The following TTLL7 variants were observed in gnomAD, a reference collection of about 807,000 sequenced individuals.
The protein encoded by TTLL7 is tubulin polyglutamylase TTLL7.
TTLL7 carries 53 observed loss-of-function variants against 120.2 expected under a neutral mutation model. That is an observed-to-expected ratio of 0.44 (90% CI 0.35 to 0.55). The LOEUF (loss-of-function observed/expected upper bound fraction) is 0.55. Among genes scored for constraint, TTLL7 ranks in the 20% least tolerant of loss-of-function variants. The pLI is 0.00. For synonymous variants in TTLL7, 353 were observed against 351.7 expected (o/e 1.00, Z -0.04); for missense variants, 803 against 1,054.7 (o/e 0.76, Z 3.31).
intron 1 of TTLL7, among the ~76,000 whole-genome samples, chr1:83,990,167 C>CTTTTTT (rs35374044): frequency 1.7e-5 from 2 of 116,936 alleles, no homozygotes; most frequent in African/African-American, 3.3e-5. Flanking sequence ...ATTTGGATGC[C>CTTTTTT]TTTTTTTTTT....
At chr1:83,921,791 A>C (rs1658694353) in intron 10 of TTLL7, among the ~76,000 whole-genome samples, 1 of 152,156 alleles carries the variant, frequency 6.6e-6, no homozygotes, top group African/African-American at 2.4e-5. Context: ...AATTTGTGGT[A>C]ACATTAATAG....
In TTLL7 at chr1:83,962,047, G is replaced by A. The variant is rs553185556; in HGVS notation, c.-176-9660C>T. Among the ~76,000 whole-genome samples, 226 of 152,140 alleles carry A rather than the reference G, an allele frequency of 1.5e-3. 1 individual carries two copies. The highest frequency in any genetic ancestry group is 2.5e-3 in the Non-Finnish European group (172 of 67,976). On this transcript the variant is annotated intron_variant, in intron 1 of 20. Transcript: ENST00000260505. ...GAGATTTCAATAACTTTGATCACAA[G>A]GTTTAAAAGAGAGGGACTAGGGGAA...
chr1:83,887,293 G>C (rs1211120703), intron 19 of TTLL7: 1 of 1,083,514 alleles, frequency 9.2e-7, no homozygotes, highest in South Asian at 1.4e-5. Context: ...AACTGTGAAA[G>C]AAAGTTGAAC....
chr1:83,941,181 A>G lies in TTLL7; in HGVS notation c.723+1282T>C, dbSNP rs532613189. ...ACTCCCTCTCTAACCTTTATCTCCAACTGGGCTATGTGCCCCTGCTATGCA... is the reference window on the plus strand; with the variant it reads ...ACTCCCTCTCTAACCTTTATCTCCAGCTGGGCTATGTGCCCCTGCTATGCA... On this transcript the variant is annotated intron_variant, in intron 7 of 20. Coordinates refer to ENST00000260505, the MANE Select transcript of TTLL7 (RefSeq NM_024686.6). Among the ~76,000 whole-genome samples, 3 of 152,238 alleles carry G rather than the reference A, an allele frequency of 2.0e-5. No individual in the cohort carries two copies. The East Asian group carries it at 5.8e-4, about 29-fold the overall frequency.
At chr1:83,876,055 C>T (rs1362330911) in intron 20 of TTLL7, among the ~76,000 whole-genome samples, 1 of 151,824 alleles carries the variant, frequency 6.6e-6, no homozygotes, top group African/African-American at 2.4e-5. Context: ...TTTTACCTTT[C>T]ACATCTACAT....
chr1:83,931,175 C>T (rs1021119228), intron 9 of TTLL7, among the ~76,000 whole-genome samples: 4 of 151,890 alleles, frequency 2.6e-5, no homozygotes, highest in Admixed American at 2.6e-4. Flanking sequence ...ACAGACAAAA[C>T]ATAGATGTTA....
intron 17 of TTLL7, 44 bp from the exon 18 acceptor site, chr1:83,904,203 C>G: frequency 6.9e-7 from 1 of 1,458,492 alleles, no homozygotes; most frequent in South Asian, 1.2e-5. Flanking sequence ...GGTTGAAACC[C>G]ATTTTTTAAA....
intron 18 of TTLL7, among the ~76,000 whole-genome samples, chr1:83,899,853 T>G (rs1489278775): frequency 6.6e-6 from 1 of 151,958 alleles, no homozygotes; most frequent in South Asian, 2.1e-4. Context: ...TGATTAATAC[T>G]TAAAGGTGGT....
rs763594918 is a variant in TTLL7, at chr1:83,933,748, G to A, written c.907C>T (p.Leu303=). 1 of 1,610,556 alleles carries A rather than the reference G, an allele frequency of 6.2e-7. No individual in the cohort carries two copies. The highest frequency in any genetic ancestry group is 1.1e-5 in the South Asian group (1 of 90,078). The change falls in exon 9 of 21, where the codon CTG becomes TTG. Residue 303 remains leucine (L), a synonymous_variant. Coordinates refer to ENST00000260505, the MANE Select transcript of TTLL7 (RefSeq NM_024686.6). Reference sequence around the variant, plus strand: ...AGGACATGAGGTTCTGCTACAATCAGGGTCTTTACCACCAATTCCTATAAG... The same window carrying A: ...AGGACATGAGGTTCTGCTACAATCAAGGTCTTTACCACCAATTCCTATAAG... ...SDISELVVKT[L]IVAEPHVLHA...
At chr1:83,997,743 C>T (rs1415246682) in intron 1 of TTLL7, among the ~76,000 whole-genome samples, 1 of 152,194 alleles carries the variant, frequency 6.6e-6, no homozygotes. Flanking sequence ...ACTATTATTA[C>T]TGTAAATGTC....
At chr1:83,931,348 G>C (rs1659581224) in intron 9 of TTLL7, among the ~76,000 whole-genome samples, 1 of 151,864 alleles carries the variant, frequency 6.6e-6, no homozygotes, top group South Asian at 2.1e-4. Flanking sequence ...TCCTAAGTTA[G>C]TGCTGTTCCC....
In TTLL7 at chr1:83,942,452, G is replaced by T. The variant is rs1159318486; in HGVS notation, c.723+11C>A. On this transcript the variant is annotated intron_variant, in intron 7 of 20. Coordinates refer to ENST00000260505, the MANE Select transcript of TTLL7 (RefSeq NM_024686.6). ...TGAATGAAAAGATAAGCTCTGTCTGGTATCACTTACCAAATTGGACTCATT... is the reference window on the plus strand; with the variant it reads ...TGAATGAAAAGATAAGCTCTGTCTGTTATCACTTACCAAATTGGACTCATT... 7 of 1,595,208 alleles carry T rather than the reference G, an allele frequency of 4.4e-6. No individual in the cohort carries two copies. Among genetic ancestry groups the T allele is most frequent in the Non-Finnish European group, 6.0e-6 (7 of 1,163,036 alleles).
In TTLL7 at chr1:83,867,986, G is replaced by C. The variant is rs1475278278; in HGVS notation, c.*1976C>G. On this transcript the variant is annotated 3_prime_UTR_variant, in exon 21 of 21. Coordinates refer to ENST00000260505, the MANE Select transcript of TTLL7 (RefSeq NM_024686.6). ...CAAATAGCAAATTCTTCTTTGGGAT[G>C]CATGCAGAGAGGAAAAGTATCTACC... is the stretch of plus-strand genomic sequence containing the variant. The C allele has an allele frequency of 6.6e-6, 1 of 152,074 alleles. No individual in the cohort carries two copies. Among genetic ancestry groups the C allele is most frequent in the Non-Finnish European group, 1.5e-5 (1 of 67,988 alleles). The allele number at this position is 152,074 out of a possible 1,614,324, so 9.4% of individuals were successfully genotyped here. A position where few individuals can be genotyped will look rare whatever the true frequency, so the allele number is the denominator to read the frequency against.
At chr1:83,899,514 A>C (rs1439847705) in intron 18 of TTLL7, among the ~76,000 whole-genome samples, 2 of 151,958 alleles carry the variant, frequency 1.3e-5, no homozygotes, top group Non-Finnish European at 2.9e-5. Flanking sequence ...TTCTTTTAAG[A>C]GCCAAAATTC....
chr1:83,867,050 A>G lies in TTLL7; in HGVS notation c.*2912T>C, dbSNP rs1405332869. 1 of 152,022 alleles carries G rather than the reference A, an allele frequency of 6.6e-6. No individual in the cohort carries two copies. Among genetic ancestry groups the G allele is most frequent in the Non-Finnish European group, 1.5e-5 (1 of 67,876 alleles). The allele number at this position is 152,022 out of a possible 1,614,324, so 9.4% of individuals were successfully genotyped here. A position where few individuals can be genotyped will look rare whatever the true frequency, so the allele number is the denominator to read the frequency against. On this transcript the variant is annotated 3_prime_UTR_variant, in exon 21 of 21. Transcript: ENST00000260505. ...ATATGCTTTCATTGTAAGTAAACCC[A>G]GTTCCCCTATTAAAAACCTCTGGTA...
intron 20 of TTLL7, among the ~76,000 whole-genome samples, chr1:83,874,794 T>C (rs1461897731): frequency 6.6e-6 from 1 of 152,068 alleles, no homozygotes; most frequent in East Asian, 1.9e-4. Context: ...GCCTCACTTT[T>C]CTCAGCTGTA....
chr1:83,909,320 A>G (rs761923427), intron 15 of TTLL7, among the ~76,000 whole-genome samples: 23 of 149,342 alleles, frequency 1.5e-4, no homozygotes, highest in Non-Finnish European at 3.3e-4. Context: ...AGATAGAAAA[A>G]CTAAGTAGCT....
intron 18 of TTLL7, among the ~76,000 whole-genome samples, chr1:83,892,391 CGAATATATATGAACATATATAT>C (rs1655623739): frequency 2.7e-4 from 5 of 18,802 alleles, no homozygotes; most frequent in Admixed American, 6.2e-4. Flanking sequence ...AATATATATA[CGAATATATATGAACATATATAT>C]GAACATATAT....
chr1:83,945,774 A>G (rs2100849437), intron 6 of TTLL7, among the ~76,000 whole-genome samples: 1 of 151,964 alleles, frequency 6.6e-6, no homozygotes, highest in Middle Eastern at 3.4e-3. Flanking sequence ...TTAATATTAA[A>G]TTTTTAACAT....
Sources: allele counts gnomAD v4.1 joint callset (sites outside exome capture counted in the v4.1 genomes callset), GRCh38; gene constraint gnomAD v4.1.1; transcripts MANE v1.5; gene names NCBI Gene and HGNC (gene_info 2026-07-23, HGNC 2026-07-21).